The following NPAS3 variants were observed in gnomAD, a reference collection of about 807,000 sequenced individuals.
The protein encoded by NPAS3 is neuronal PAS domain protein 3, also known as neuronal PAS domain-containing protein 3.
In NPAS3, 14 loss-of-function variants were observed where a neutral mutation model predicts 73.1. That is an observed-to-expected ratio of 0.19 (90% CI 0.13 to 0.30). NPAS3 has a LOEUF of 0.30. Ranked by LOEUF, NPAS3 falls within the 10% of genes least tolerant of loss-of-function variation. The pLI is 1.00. For synonymous variants in NPAS3, 620 were observed against 541.5 expected (o/e 1.14, Z -2.01); for missense variants, 1,096 against 1,250.0 (o/e 0.88, Z 1.86).
At chr14:33,089,671 A>G (rs1304323814) in intron 2 of NPAS3, among the ~76,000 whole-genome samples, 1 of 152,178 alleles carries the variant, frequency 6.6e-6, no homozygotes, top group East Asian at 1.9e-4. Flanking sequence ...CTCCTCGAGA[A>G]GAGCAACTCC....
intron 4 of NPAS3, among the ~76,000 whole-genome samples, chr14:33,520,219 G>A (rs1268932972): frequency 6.6e-6 from 1 of 152,098 alleles, no homozygotes; most frequent in Non-Finnish European, 1.5e-5. Context: ...AGGAGTGAGT[G>A]TTTCTCCGGG....
chr14:33,008,340 C>T (rs1460131451), intron 1 of NPAS3, among the ~76,000 whole-genome samples: 2 of 152,164 alleles, frequency 1.3e-5, no homozygotes, highest in African/African-American at 4.8e-5. Flanking sequence ...TACAATACAA[C>T]ACTGTTTATG....
exon 6 of NPAS3, chr14:33,676,333 G>A (rs2059765145): frequency 6.2e-7 from 1 of 1,605,128 alleles, no homozygotes; most frequent in African/African-American, 1.3e-5. Context: ...GCACTGCTGA[G>A]GACGGAGCCA....
chr14:33,044,478 T>C (rs1174133297), intron 1 of NPAS3, among the ~76,000 whole-genome samples: 1 of 152,218 alleles, frequency 6.6e-6, no homozygotes, highest in Non-Finnish European at 1.5e-5. Flanking sequence ...TGTGAGCTGA[T>C]GGATGTGTAT....
At chr14:33,548,324 T>G (rs1389080912) in intron 4 of NPAS3, among the ~76,000 whole-genome samples, 1 of 152,218 alleles carries the variant, frequency 6.6e-6, no homozygotes, top group Non-Finnish European at 1.5e-5. Flanking sequence ...ATATCCATTT[T>G]TAAATTATTT....
chr14:33,616,745 A>G (rs1595286113), intron 5 of NPAS3, among the ~76,000 whole-genome samples: 1 of 152,182 alleles, frequency 6.6e-6, no homozygotes, highest in Admixed American at 6.5e-5. Context: ...TGATTTGACA[A>G]TGACTGGTGA....
chr14:33,540,963 C>T (rs2054483113), intron 4 of NPAS3, among the ~76,000 whole-genome samples: 1 of 151,992 alleles, frequency 6.6e-6, no homozygotes, highest in South Asian at 2.1e-4. Flanking sequence ...TTATTAATCT[C>T]TTGTTTAATG....
intron 4 of NPAS3, among the ~76,000 whole-genome samples, chr14:33,403,248 A>G (rs2047521753): frequency 6.6e-6 from 1 of 152,146 alleles, no homozygotes; most frequent in African/African-American, 2.4e-5. Context: ...TTGTTTGCTC[A>G]CAAGAAAGTT....
intron 1 of NPAS3, among the ~76,000 whole-genome samples, chr14:32,988,420 A>ACATTAAAATGAAAACATTTTCTC (rs2038183765): frequency 2.0e-5 from 3 of 152,232 alleles, no homozygotes; most frequent in Admixed American, 6.5e-5. Context: ...CACATCCTAT[A>ACATTAAAATGAAAACATTTTCTC]CATTAAAATG....
At chr14:33,678,410 T>C (rs1375449626) in intron 6 of NPAS3, among the ~76,000 whole-genome samples, 1 of 152,180 alleles carries the variant, frequency 6.6e-6, no homozygotes, top group Non-Finnish European at 1.5e-5. Context: ...AGATCCTCCT[T>C]TCCTCCTGTC....
At chr14:33,301,119 C>T (rs2042513052) in intron 3 of NPAS3, among the ~76,000 whole-genome samples, 3 of 151,520 alleles carry the variant, frequency 2.0e-5, no homozygotes, top group African/African-American at 7.3e-5. Flanking sequence ...ATCCAGGTCT[C>T]CTACTGAAGG....
intron 1 of NPAS3, among the ~76,000 whole-genome samples, chr14:33,003,540 A>G (rs984202412): frequency 6.6e-6 from 1 of 152,206 alleles, no homozygotes; most frequent in East Asian, 1.9e-4. Flanking sequence ...TTCTGTGTCC[A>G]TGAAGGGATC....
intron 6 of NPAS3, among the ~76,000 whole-genome samples, chr14:33,686,644 A>C (rs542993225): frequency 6.6e-6 from 1 of 152,140 alleles, no homozygotes; most frequent in Non-Finnish European, 1.5e-5. Flanking sequence ...GGCCTAAGAA[A>C]AGAACAGTTT....
chr14:33,503,067 C>T (rs143057648), intron 4 of NPAS3, among the ~76,000 whole-genome samples: 4 of 151,932 alleles, frequency 2.6e-5, no homozygotes, highest in Non-Finnish European at 4.4e-5. Context: ...TAAGTTCTCT[C>T]GAGATTTATT....
chr14:32,966,553 A>C (rs1366280456), intron 1 of NPAS3, among the ~76,000 whole-genome samples: 1 of 152,156 alleles, frequency 6.6e-6, no homozygotes, highest in Non-Finnish European at 1.5e-5. Flanking sequence ...ATTAACTCAA[A>C]ATGGATTAAA....
At chr14:33,508,079 C>T (rs1395143551) in intron 4 of NPAS3, among the ~76,000 whole-genome samples, 1 of 152,040 alleles carries the variant, frequency 6.6e-6, no homozygotes, top group Non-Finnish European at 1.5e-5. Flanking sequence ...ATCTCCTAGT[C>T]TCCATAGCAA....
At chr14:33,653,276 A>T (rs931155100) in intron 5 of NPAS3, among the ~76,000 whole-genome samples, 1 of 152,242 alleles carries the variant, frequency 6.6e-6, no homozygotes, top group Non-Finnish European at 1.5e-5. Flanking sequence ...TTGGGTTGTC[A>T]GCATGGTGCG....
chr14:33,539,829 GT>G (rs1384150890), intron 4 of NPAS3, among the ~76,000 whole-genome samples: 1 of 152,144 alleles, frequency 6.6e-6, no homozygotes, highest in African/African-American at 2.4e-5. Context: ...TAAGGTCACT[GT>G]TTGGGGGGTT....
At chr14:33,447,854 A>G (rs992349069) in intron 4 of NPAS3, among the ~76,000 whole-genome samples, 3 of 152,176 alleles carry the variant, frequency 2.0e-5, no homozygotes, top group African/African-American at 7.2e-5. Context: ...GTTCAAGGTT[A>G]GAGTGAGCTA....
Sources: gnomAD v4.1 joint callset for allele counts (sites outside exome capture counted in the v4.1 genomes callset) on GRCh38, gnomAD v4.1.1 for gene constraint, MANE v1.5 for transcripts, NCBI Gene and HGNC (gene_info 2026-07-23, HGNC 2026-07-21) for gene names.